The following SMG1 variants were observed in gnomAD, a reference collection of about 807,000 sequenced individuals.
The protein encoded by SMG1 is serine/threonine-protein kinase SMG1.
Under a neutral mutation model 419.9 loss-of-function variants are expected in SMG1, and 22 were observed. The ratio of observed to expected loss-of-function variants is 0.05; its 90% CI spans 0.04 to 0.07. SMG1 has a LOEUF of 0.07. SMG1 is among the 10% of genes least tolerant of loss of function. The pLI is 1.00. For missense variants in SMG1, 3,185 were observed against 4,342.0 expected (o/e 0.73, Z 7.49); for synonymous variants, 1,538 against 1,553.5 (o/e 0.99, Z 0.23).
At chr16:18,862,144 T>C (rs1175567502) in intron 25 of SMG1, among the ~76,000 whole-genome samples, 1 of 152,164 alleles carries the variant, frequency 6.6e-6, no homozygotes, top group Non-Finnish European at 1.5e-5. Flanking sequence ...GTATTCAATC[T>C]AGCTGCTTCT....
At chr16:18,830,646 C>T (rs1156262966) in intron 51 of SMG1, among the ~76,000 whole-genome samples, 1 of 152,004 alleles carries the variant, frequency 6.6e-6, no homozygotes, top group Non-Finnish European at 1.5e-5. Context: ...AAAAATCAGC[C>T]GAGTGTGATG....
At chr16:18,917,513 T>C (rs371268644) in intron 1 of SMG1, among the ~76,000 whole-genome samples, 2 of 151,948 alleles carry the variant, frequency 1.3e-5, no homozygotes, top group East Asian at 2.0e-4. Flanking sequence ...CTTCTCTATA[T>C]TGTTCCAATT....
intron 28 of SMG1, 78 bp from the exon 29 acceptor site, chr16:18,858,368 C>T: frequency 7.5e-7 from 1 of 1,335,486 alleles, no homozygotes; most frequent in Non-Finnish European, 1.0e-6. Context: ...AGTCTTAAGT[C>T]CAAGACTGCA....
intron 1 of SMG1, among the ~76,000 whole-genome samples, chr16:18,898,533 C>T (rs1291572703): frequency 3.3e-5 from 5 of 152,080 alleles, no homozygotes; most frequent in Admixed American, 3.3e-4. Flanking sequence ...CTAAAAATAG[C>T]ACATTTAACA....
At chr16:18,891,978 G>A (rs2036902559) in intron 4 of SMG1, among the ~76,000 whole-genome samples, 1 of 152,152 alleles carries the variant, frequency 6.6e-6, no homozygotes, top group African/African-American at 2.4e-5. Context: ...GCAGTGGGAG[G>A]ATAGCTTGAA....
chr16:18,870,522 A>T, intron 18 of SMG1, 88 bp downstream of exon 18: 1 of 749,466 alleles, frequency 1.3e-6, no homozygotes. Context: ...TTAATGCTCT[A>T]ATAGGTGATC....
At position 18,851,867 on chromosome 16, in the gene SMG1, C is replaced by CT. The variant is rs555908887; in HGVS notation, c.5052+199dup. Among the ~76,000 whole-genome samples, 14 of 152,210 alleles carry CT rather than the reference C, an allele frequency of 9.2e-5. No homozygotes were observed. In the East Asian group the frequency reaches 2.7e-3, roughly 29 times the overall value. ...CAACTCACCTATTTTTAACAGGACT[C>CT]TAAGGAAATGCCTTATTTTCTCAAA... On this transcript the variant is annotated intron_variant, in intron 33 of 62. Coordinates refer to ENST00000446231, the MANE Select transcript of SMG1 (RefSeq NM_015092.5).
rs528373309 is a variant in SMG1, at chr16:18,843,994, A to T, written c.6219+1435T>A. On this transcript the variant is annotated intron_variant, in intron 39 of 62. Transcript: ENST00000446231. ...TTAAATGTACAAAATCATTTTAAAA[A>T]TTTTCTATGATTATACACACACACA... Among the ~76,000 whole-genome samples, 10 of 144,098 alleles carry T rather than the reference A, an allele frequency of 6.9e-5. No homozygotes were observed. In the East Asian group the frequency reaches 1.6e-3, roughly 23 times the overall value. 94.5% of individuals were successfully genotyped at this position (144,098 alleles called of 152,430 possible). A position where few individuals can be genotyped will look rare whatever the true frequency, so the allele number is the denominator to read the frequency against.
At chr16:18,861,419 T>A (rs1320414035) in intron 25 of SMG1, 1 of 151,758 alleles carries the variant, frequency 6.6e-6, no homozygotes, top group Admixed American at 6.6e-5. Flanking sequence ...TCCTTTCAGA[T>A]CCCTTACCCT....
At chr16:18,847,733 C>A in intron 37 of SMG1, 83 bp downstream of exon 37, 1 of 1,564,422 alleles carries the variant, frequency 6.4e-7, no homozygotes, top group South Asian at 1.1e-5. Flanking sequence ...GAACCCTGAC[C>A]AGTGATTGTC....
Position 18,839,843 on chromosome 16 carries a change from C to A in SMG1, c.6800G>T (p.Ser2267Ile), listed in dbSNP as rs1249801878. 1 of 1,613,882 alleles carries A rather than the reference C, an allele frequency of 6.2e-7. No individual in the cohort carries two copies. Among genetic ancestry groups the A allele is most frequent in the Admixed American group, 1.7e-5 (1 of 59,994 alleles). ...IGPALKTVGL[S>I]LDVSRRDWPL... ...CCAATCCCGACGGGACACATCCAGG[C>A]TAAGCCCAACTGTTTTCAAAGCAGG... Residue 2267 changes from serine (S) to isoleucine (I), a missense_variant, in exon 42 of 63, where the codon AGC (serine) becomes ATC (isoleucine). This residue lies in a region of SMG1 where 132 missense variants were observed against 151.0 expected (regional missense o/e 0.87). Transcript: ENST00000446231.
chr16:18,911,347 CAA>C (rs11319915), intron 1 of SMG1: 8 of 150,744 alleles, frequency 5.3e-5, no homozygotes, highest in East Asian at 2.0e-4. Flanking sequence ...ACTAAAAATA[CAA>C]AAAAAAAAAT....
At chr16:18,827,452 A>G (rs1399518490) in intron 55 of SMG1, among the ~76,000 whole-genome samples, 1 of 143,880 alleles carries the variant, frequency 7.0e-6, no homozygotes, top group Admixed American at 7.2e-5. Context: ...AGGTATAAAT[A>G]TACCTATATA....
At chr16:18,861,663 T>C (rs1169577110) in intron 25 of SMG1, among the ~76,000 whole-genome samples, 1 of 152,216 alleles carries the variant, frequency 6.6e-6, no homozygotes, top group Non-Finnish European at 1.5e-5. Context: ...GATGAACTGC[T>C]GCCAACACAT....
In SMG1 at chr16:18,837,339, T is replaced by C; in HGVS notation, c.7518A>G (p.Glu2506=). The C allele has an allele frequency of 6.2e-7, 1 of 1,614,018 alleles. No homozygotes were observed. Reference sequence around the variant, plus strand: ...CCTCCAGTAGTTTGCCCTGCAGTTTTTCCACATCTGTCAGTTGCTCTTGCA... The same window carrying C: ...CCTCCAGTAGTTTGCCCTGCAGTTTCTCCACATCTGTCAGTTGCTCTTGCA... ...LSLQEQLTDV[E]KLQGKLLEEI... is the part of the protein sequence containing the mutation. Residue 2506 remains glutamate (E), a synonymous_variant, in exon 46 of 63, where the codon GAA becomes GAG. Coordinates refer to ENST00000446231, the MANE Select transcript of SMG1 (RefSeq NM_015092.5).
rs2034208894 is a variant in SMG1, at chr16:18,845,544, G to C, written c.6104C>G (p.Pro2035Arg). The C allele has an allele frequency of 1.9e-6, 3 of 1,613,890 alleles. No homozygotes were observed. The highest frequency in any genetic ancestry group is 2.5e-6 in the Non-Finnish European group (3 of 1,179,868). ...RSITAAPAET[P>R]HEKWFQDNYG... ...GTTATCCTGAAACCATTTTTCATGA[G>C]GTGTTTCTGCAGGAGCCGCTGTGAT... The change falls in exon 39 of 63, where the codon CCT becomes CGT. Residue 2035 changes from proline (P) to arginine (R), a missense_variant. This residue lies in a region of SMG1 where 159 missense variants were observed against 196.0 expected (regional missense o/e 0.81). Transcript: ENST00000446231.
At chr16:18,841,441 G>C in intron 41 of SMG1, 124 bp downstream of exon 41, 1 of 769,388 alleles carries the variant, frequency 1.3e-6, no homozygotes, top group Non-Finnish European at 2.1e-6. Context: ...TACTCTCCTA[G>C]GGACCTCAAG....
intron 10 of SMG1, 87 bp downstream of exon 10, chr16:18,882,078 A>G (rs2036424611): frequency 5.6e-6 from 5 of 887,610 alleles, no homozygotes; most frequent in African/African-American, 1.7e-5. Context: ...TGAAGGATTA[A>G]TAACAGTTCA....
At position 18,845,628 on chromosome 16, in the gene SMG1, C is replaced by T; in HGVS notation, c.6020G>A (p.Arg2007Lys). ...LRKEEKIAIM[R>K]EKHTALMKPI... ...CTTCATCAAAGCTGTGTGCTTCTCC[C>T]TCATGATTGCAATTTTCTCTTCTCT... Residue 2007 changes from arginine (R) to lysine (K), a missense_variant, in exon 39 of 63, where the codon AGG becomes AAG. Physicochemically the swap from Arg to Lys is conservative, Grantham distance 26. Transcript: ENST00000446231. The T allele has an allele frequency of 1.2e-6, 2 of 1,610,954 alleles. No homozygotes were observed. The highest frequency in any genetic ancestry group is 1.3e-5 in the African/African-American group (1 of 74,982).
Sources: allele counts gnomAD v4.1 joint callset (sites outside exome capture counted in the v4.1 genomes callset), GRCh38; gene constraint gnomAD v4.1.1; regional missense constraint gnomAD v4.1.1; transcripts MANE v1.5; gene names NCBI Gene and HGNC (gene_info 2026-07-23, HGNC 2026-07-21).